IQUB: variants seen among roughly 807,000 people sequenced by gnomAD.
The protein encoded by IQUB is IQ motif and ubiquitin domain containing.
IQUB carries 86 observed loss-of-function variants against 86.4 expected under a neutral mutation model. The observed-to-expected ratio is 1.00, with a 90% CI of 0.84 to 1.19. The LOEUF (loss-of-function observed/expected upper bound fraction) is 1.19, where lower values mean the gene tolerates loss of function less well. Ranked by LOEUF, IQUB falls within the 50% of genes most tolerant of loss-of-function variation. IQUB has a pLI of 0.00. For synonymous variants in IQUB, 289 were observed against 304.5 expected (o/e 0.95, Z 0.53); for missense variants, 946 against 916.9 (o/e 1.03, Z -0.41).
intron 1 of IQUB, among the ~76,000 whole-genome samples, chr7:123,527,230 A>G (rs1797270463): frequency 6.6e-6 from 1 of 151,972 alleles, no homozygotes; most frequent in South Asian, 2.1e-4. Flanking sequence ...ATTTTTTTCA[A>G]AGTTTTCAAC....
chr7:123,481,372 T>C (rs1471192779), intron 7 of IQUB, among the ~76,000 whole-genome samples: 1 of 152,130 alleles, frequency 6.6e-6, no homozygotes, highest in Non-Finnish European at 1.5e-5. Context: ...AGATATGGCA[T>C]ACCAAATTTC....
At chr7:123,525,930 T>C (rs1185691526) in intron 1 of IQUB, among the ~76,000 whole-genome samples, 2 of 142,828 alleles carry the variant, frequency 1.4e-5, no homozygotes, top group African/African-American at 2.6e-5. Flanking sequence ...TCAAAGAACA[T>C]CTTTATTTCT....
intron 3 of IQUB, among the ~76,000 whole-genome samples, chr7:123,506,253 T>C (rs1240901760): frequency 2.6e-5 from 4 of 152,190 alleles, no homozygotes; most frequent in Non-Finnish European, 4.4e-5. Flanking sequence ...AAACTTTCCC[T>C]CATCTTCCTG....
At chr7:123,461,645 G>A in intron 10 of IQUB, 40 bp from the exon 11 acceptor site, 1 of 1,478,744 alleles carries the variant, frequency 6.8e-7, no homozygotes, top group Non-Finnish European at 9.0e-7. Flanking sequence ...GGTCTAAAAA[G>A]CCAGGCCAGG....
In IQUB at chr7:123,498,661, ACAAATGGCTTCCTACTTATATGTCC is replaced by A; in HGVS notation, c.1024-1780_1024-1756del. Among the ~76,000 whole-genome samples, 6 of 152,308 alleles carry A rather than the reference ACAAATGGCTTCCTACTTATATGTCC, an allele frequency of 3.9e-5. 1 individual carries two copies. The highest frequency in any genetic ancestry group is 3.9e-4 in the Admixed American group (6 of 15,280). ...TCGTAGGAAAGCTCTGTCATATTTAACAAATGGCTTCCTACTTATATGTCCCAGATGGCTGGTCCACTTACCATCT... is the reference window on the plus strand; with the variant it reads ...TCGTAGGAAAGCTCTGTCATATTTAACAGATGGCTGGTCCACTTACCATCT... On this transcript the variant is annotated intron_variant, in intron 6 of 12. Transcript: ENST00000324698.
intron 1 of IQUB, among the ~76,000 whole-genome samples, chr7:123,513,362 A>AT (rs1481454830): frequency 1.3e-5 from 2 of 152,238 alleles, no homozygotes; most frequent in Non-Finnish European, 2.9e-5. Flanking sequence ...TTTTATATAG[A>AT]ATGATGCAAA....
intron 1 of IQUB, among the ~76,000 whole-genome samples, chr7:123,531,179 C>T (rs1231139791): frequency 6.6e-6 from 1 of 152,052 alleles, no homozygotes. Context: ...CACACTGTGG[C>T]ATTATATATA....
chr7:123,482,750 A>G (rs1203553067), intron 7 of IQUB, among the ~76,000 whole-genome samples: 1 of 152,074 alleles, frequency 6.6e-6, no homozygotes, highest in Non-Finnish European at 1.5e-5. Context: ...ATAATCAACC[A>G]CAAGTCTTCT....
Position 123,512,141 on chromosome 7 carries a change from C to A in IQUB, c.200G>T (p.Ser67Ile). The A allele has an allele frequency of 1.9e-6, 3 of 1,614,004 alleles. No individual in the cohort carries two copies. Among genetic ancestry groups the A allele is most frequent in the Non-Finnish European group, 2.5e-6 (3 of 1,179,958 alleles). ...AIHVEEQSDQSFSSLEPDNEQ... is the reference protein window; with the variant it reads ...AIHVEEQSDQIFSSLEPDNEQ... The stretch of plus-strand genomic sequence containing the variant: ...ATTGTCTGGTTCCAGGCTTGAAAAG[C>A]TTTGGTCACTCTGCTCCTCAACATG... Residue 67 changes from serine (S) to isoleucine (I), a missense_variant, in exon 2 of 13, where the codon AGC (serine) becomes ATC (isoleucine). By Grantham distance (142) the Ser-to-Ile change is moderately radical. Transcript: ENST00000324698.
In IQUB at chr7:123,497,088, A is replaced by G. The variant is rs770504260; in HGVS notation, c.1024-182T>C. Reference sequence around the variant, plus strand: ...AACATGTATAATGCATGTGACTGCTATTTGACTTTGACATCTCGCAAATAT... The same window carrying G: ...AACATGTATAATGCATGTGACTGCTGTTTGACTTTGACATCTCGCAAATAT... On this transcript the variant is annotated intron_variant, in intron 6 of 12. Coordinates refer to ENST00000324698, the MANE Select transcript of IQUB (RefSeq NM_178827.5). Among the ~76,000 whole-genome samples the G allele has an allele frequency of 6.7e-4, 102 of 152,142 alleles. 1 individual carries two copies. Among genetic ancestry groups the G allele is most frequent in the Non-Finnish European group, 3.7e-4 (25 of 67,994 alleles).
intron 7 of IQUB, among the ~76,000 whole-genome samples, chr7:123,495,636 C>A (rs1484976600): frequency 6.6e-6 from 1 of 152,100 alleles, no homozygotes; most frequent in African/African-American, 2.4e-5. Flanking sequence ...TCTGTGTCTT[C>A]ATAAGGGTCT....
chr7:123,529,810 G>C (rs1246085489), intron 1 of IQUB, among the ~76,000 whole-genome samples: 3 of 150,540 alleles, frequency 2.0e-5, no homozygotes, highest in Non-Finnish European at 4.4e-5. Flanking sequence ...CTGAGCAGAC[G>C]GATCACAAGG....
chr7:123,512,511 A>G (rs1796466578), intron 1 of IQUB, among the ~76,000 whole-genome samples, 167 bp from the exon 2 acceptor site: 1 of 152,230 alleles, frequency 6.6e-6, no homozygotes, highest in African/African-American at 2.4e-5. Context: ...AAAGAACCTC[A>G]AAACAATAAA....
chr7:123,528,933 C>T (rs1025023702), intron 1 of IQUB, among the ~76,000 whole-genome samples: 1 of 152,060 alleles, frequency 6.6e-6, no homozygotes, highest in African/African-American at 2.4e-5. Context: ...ACTCTCACTG[C>T]AGCAAATATT....
chr7:123,528,313 T>C (rs1797361425), intron 1 of IQUB, among the ~76,000 whole-genome samples: 1 of 152,222 alleles, frequency 6.6e-6, no homozygotes, highest in African/African-American at 2.4e-5. Context: ...ACCAGAGCTA[T>C]TCCTATTTGG....
At chr7:123,491,571 A>G (rs562548860) in intron 7 of IQUB, among the ~76,000 whole-genome samples, 3 of 152,326 alleles carry the variant, frequency 2.0e-5, no homozygotes, top group African/African-American at 7.2e-5. Context: ...ATGCCAATAA[A>G]TCCAACAACT....
At chr7:123,462,986 T>TCC (rs1794072163) in intron 10 of IQUB, among the ~76,000 whole-genome samples, 2 of 151,660 alleles carry the variant, frequency 1.3e-5, no homozygotes, top group Admixed American at 6.6e-5. Context: ...CAAATTCTTC[T>TCC]CCCACTATGC....
chr7:123,484,597 T>C (rs1795142055), intron 7 of IQUB, among the ~76,000 whole-genome samples: 2 of 152,046 alleles, frequency 1.3e-5, no homozygotes. Context: ...TAAATTTGGG[T>C]AGAGCACTAA....
chr7:123,515,563 A>T (rs1399892707), intron 1 of IQUB, among the ~76,000 whole-genome samples: 3 of 152,172 alleles, frequency 2.0e-5, no homozygotes, highest in Non-Finnish European at 1.5e-5. Flanking sequence ...CATGTCTGAA[A>T]ATGAATGCCT....
Sources: allele counts gnomAD v4.1 joint callset (sites outside exome capture counted in the v4.1 genomes callset), GRCh38; gene constraint gnomAD v4.1.1; transcripts MANE v1.5; gene names NCBI Gene and HGNC (gene_info 2026-07-23, HGNC 2026-07-21).